Variants in PIK3C2G observed in about 807,000 individuals in gnomAD.
PIK3C2G encodes the protein phosphatidylinositol-4-phosphate 3-kinase catalytic subunit type 2 gamma.
PIK3C2G carries 168 observed loss-of-function variants against 181.1 expected under a neutral mutation model. The ratio of observed to expected loss-of-function variants is 0.93; its 90% CI spans 0.82 to 1.05. PIK3C2G has a LOEUF of 1.05. Among genes scored for constraint, PIK3C2G ranks in the 50% least tolerant of loss-of-function variants. The pLI, the probability that PIK3C2G is intolerant of heterozygous loss-of-function variation, is 0.00. For synonymous variants in PIK3C2G, 573 were observed against 592.2 expected, an observed-to-expected ratio of 0.97 and a Z score of 0.47; for missense variants, 1,869 against 1,732.8, an observed-to-expected ratio of 1.08 and a Z score of -1.40.
chr12:18,509,503 A>AAAG, intron 24 of PIK3C2G, among the ~76,000 whole-genome samples: 1 of 152,212 alleles, frequency 6.6e-6, no homozygotes, highest in Non-Finnish European at 1.5e-5. Flanking sequence ...ATCTCACACT[A>AAAG]AGCATCTGTG....
At chr12:18,334,670 T>C (rs574860651) in intron 8 of PIK3C2G, among the ~76,000 whole-genome samples, 1 of 152,218 alleles carries the variant, frequency 6.6e-6, no homozygotes, top group East Asian at 1.9e-4. Flanking sequence ...ACATTCAAAT[T>C]TTAGTCTATG....
At chr12:18,344,939 T>C (rs1471131675) in intron 10 of PIK3C2G, among the ~76,000 whole-genome samples, 1 of 152,142 alleles carries the variant, frequency 6.6e-6, no homozygotes, top group Non-Finnish European at 1.5e-5. Flanking sequence ...AAACTCAAAG[T>C]AGCAAATTTT....
At chr12:18,679,273 A>T in the PIK3C2G span, among the ~76,000 whole-genome samples, 1 of 152,012 alleles carries the variant, frequency 6.6e-6, no homozygotes, top group Admixed American at 6.6e-5. Flanking sequence ...ATGTATTCAA[A>T]AGGCAGAAGT....
chr12:18,495,989 A>C (rs1047511589), intron 20 of PIK3C2G, 73 bp from the exon 21 acceptor site: 9 of 708,260 alleles, frequency 1.3e-5, no homozygotes, highest in Non-Finnish European at 2.1e-5. Context: ...GATTTTGGGG[A>C]AAAGGTTTGC....
chr12:18,721,916 T>C, the PIK3C2G span, among the ~76,000 whole-genome samples: 1 of 152,002 alleles, frequency 6.6e-6, no homozygotes, highest in African/African-American at 2.4e-5. Context: ...CACTGAGTCA[T>C]GAAGCCAAAA....
chr12:18,512,129 T>C (rs1942250995), intron 24 of PIK3C2G, among the ~76,000 whole-genome samples: 1 of 152,062 alleles, frequency 6.6e-6, no homozygotes, highest in Non-Finnish European at 1.5e-5. Context: ...CATAAATGCA[T>C]GGGTTTATTT....
rs561572571 is a variant in PIK3C2G at position 18,629,038 on chromosome 12, T to C, written c.4183-11391T>C. On this transcript the variant is annotated intron_variant, in intron 31 of 32. Transcript: ENST00000538779. ...GTGGTAACAAGAGCATTTACATATA[T>C]TTGACAAAATAATAGCAAACTTGAG... 3.9e-5 allele frequency among the ~76,000 whole-genome samples: 6 copies of C among 152,338 alleles called. No individual in the cohort carries two copies. In the South Asian group the frequency reaches 1.2e-3, roughly 32 times the overall value.
chr12:18,569,778 T>C (rs190282918), intron 29 of PIK3C2G, among the ~76,000 whole-genome samples: 32 of 152,342 alleles, frequency 2.1e-4, no homozygotes, highest in Admixed American at 1.0e-3. Context: ...TTCTGGTTGG[T>C]GTGCGTCTCA....
At chr12:18,537,964 T>C (rs1409534427) in intron 24 of PIK3C2G, among the ~76,000 whole-genome samples, 192 bp from the exon 25 acceptor site, 3 of 152,020 alleles carry the variant, frequency 2.0e-5, no homozygotes, top group Non-Finnish European at 4.4e-5. Flanking sequence ...CTTTTCTCTC[T>C]ATTGCAGCAT....
intron 18 of PIK3C2G, among the ~76,000 whole-genome samples, chr12:18,432,624 T>G (rs1376461047): frequency 6.6e-6 from 1 of 152,156 alleles, no homozygotes; most frequent in Non-Finnish European, 1.5e-5. Context: ...AAAATATGGT[T>G]GGCAAAAAGG....
intron 14 of PIK3C2G, among the ~76,000 whole-genome samples, chr12:18,390,671 G>GC (rs1943477253): frequency 6.6e-6 from 1 of 152,076 alleles, no homozygotes; most frequent in Admixed American, 6.5e-5. Flanking sequence ...CAAATTTCAT[G>GC]AACTAGAGAT....
chr12:18,305,223 C>G (rs1950369111), intron 5 of PIK3C2G, among the ~76,000 whole-genome samples: 2 of 152,154 alleles, frequency 1.3e-5, no homozygotes, highest in Non-Finnish European at 2.9e-5. Context: ...TGTAGATACT[C>G]TGTATATACC....
At chr12:18,672,155 T>A in the PIK3C2G span, among the ~76,000 whole-genome samples, 87,152 of 152,006 alleles carry the variant, frequency 0.57, 25,258 homozygotes, top group South Asian at 0.67. Context: ...GTGGATCATG[T>A]TTTATGGCTT....
intron 24 of PIK3C2G, among the ~76,000 whole-genome samples, chr12:18,512,919 T>C (rs929689655): frequency 6.6e-6 from 1 of 151,908 alleles, no homozygotes; most frequent in African/African-American, 2.4e-5. Flanking sequence ...AGAATAAAAT[T>C]AGCTATGAGT....
At chr12:18,522,200 C>T (rs78892021) in intron 24 of PIK3C2G, among the ~76,000 whole-genome samples, 2,825 of 152,310 alleles carry the variant, frequency 0.019, 101 homozygotes, top group African/African-American at 0.064. Context: ...TGGCCCTGCC[C>T]CTAATTTGTA....
At chr12:18,533,095 T>C (rs1382418054) in intron 24 of PIK3C2G, among the ~76,000 whole-genome samples, 4 of 152,090 alleles carry the variant, frequency 2.6e-5, no homozygotes, top group Non-Finnish European at 5.9e-5. Context: ...TATGTTTGCT[T>C]TGTATATAAT....
At chr12:18,611,347 T>C (rs1363760913) in intron 31 of PIK3C2G, among the ~76,000 whole-genome samples, 1 of 152,120 alleles carries the variant, frequency 6.6e-6, no homozygotes, top group Non-Finnish European at 1.5e-5. Context: ...TAATACTTGT[T>C]TCAGTCTGCC....
chr12:18,528,768 C>G (rs1943382227), intron 24 of PIK3C2G, among the ~76,000 whole-genome samples: 1 of 152,146 alleles, frequency 6.6e-6, no homozygotes, highest in African/African-American at 2.4e-5. Context: ...TCAAATTGCT[C>G]TGGATTTGGT....
chr12:18,554,587 T>G (rs1465250524), intron 26 of PIK3C2G, among the ~76,000 whole-genome samples: 1 of 152,234 alleles, frequency 6.6e-6, no homozygotes, highest in East Asian at 1.9e-4. Flanking sequence ...TGTTTTATCA[T>G]GTACCCAGAA....
Sources: allele counts gnomAD v4.1 joint callset (sites outside exome capture counted in the v4.1 genomes callset), GRCh38; gene constraint gnomAD v4.1.1; transcripts MANE v1.5; gene names NCBI Gene and HGNC (gene_info 2026-07-23, HGNC 2026-07-21).